The following RNF180 variants were observed in gnomAD, a reference collection of about 807,000 sequenced individuals.
The protein encoded by RNF180 is ring finger protein 180.
A neutral mutation model predicts 59.2 loss-of-function variants in RNF180; 38 were observed. That is an observed-to-expected ratio of 0.64 (90% confidence interval 0.50 to 0.84). The LOEUF is 0.84. Ranked by LOEUF, RNF180 falls within the 40% of genes least tolerant of loss-of-function variation. RNF180 has a pLI of 0.00. For synonymous variants in RNF180, 262 were observed against 240.3 expected (o/e 1.09, Z -0.84); for missense variants, 705 against 700.9 (o/e 1.01, Z -0.07).
At chr5:64,349,247 A>G (rs1745681431) in intron 7 of RNF180, among the ~76,000 whole-genome samples, 1 of 152,272 alleles carries the variant, frequency 6.6e-6, no homozygotes, top group Admixed American at 6.6e-5. Context: ...ACAAATAGAC[A>G]TAAACATTAA....
chr5:64,365,914 GT>G (rs1746430904), intron 7 of RNF180, among the ~76,000 whole-genome samples: 1 of 151,384 alleles, frequency 6.6e-6, no homozygotes, highest in South Asian at 2.1e-4. Flanking sequence ...TTGGATCTTG[GT>G]TCTTTATACA....
chr5:64,244,981 G>C (rs1743062451), intron 5 of RNF180, among the ~76,000 whole-genome samples: 1 of 152,166 alleles, frequency 6.6e-6, no homozygotes, highest in Non-Finnish European at 1.5e-5. Flanking sequence ...TTCATATTCA[G>C]CCAAACTAAG....
At chr5:64,296,879 A>G (rs548104268) in intron 5 of RNF180, among the ~76,000 whole-genome samples, 2 of 152,072 alleles carry the variant, frequency 1.3e-5, no homozygotes, top group African/African-American at 4.8e-5. Flanking sequence ...TTGATTTTGT[A>G]TGGGAAAGGC....
chr5:64,306,178 C>T (rs917632922), intron 5 of RNF180, among the ~76,000 whole-genome samples: 2 of 151,692 alleles, frequency 1.3e-5, no homozygotes, highest in Non-Finnish European at 3.0e-5. Flanking sequence ...TTTCTTGAAA[C>T]CCAATTGCAT....
chr5:64,211,634 T>C (rs1752317673), intron 2 of RNF180, among the ~76,000 whole-genome samples: 1 of 152,152 alleles, frequency 6.6e-6, no homozygotes, highest in South Asian at 2.1e-4. Context: ...CCTCCATCTT[T>C]CTGCACATCC....
At position 64,330,373 on chromosome 5, in the gene RNF180, C is replaced by T; in HGVS notation, c.1546C>T (p.Pro516Ser). The change falls in exon 7 of 8, where the codon CCA becomes TCA. Residue 516 changes from proline to serine, a missense_variant. Transcript: ENST00000389100. ...ATCCAACTCTGCAAAATGGCCCCTA[C>T]CAAGCTGCAGAAAAGCATTTCATCT... ...QKSNSAKWPL[P>S]SCRKAFHLFG... 2.6e-6 allele frequency: 4 copies of T among 1,542,220 alleles called. No homozygotes were observed. The highest frequency in any genetic ancestry group is 3.5e-6 in the Non-Finnish European group (4 of 1,144,936).
intron 5 of RNF180, among the ~76,000 whole-genome samples, chr5:64,272,897 C>G (rs1741499374): frequency 6.6e-6 from 1 of 151,722 alleles, no homozygotes; most frequent in African/African-American, 2.4e-5. Flanking sequence ...AATTGAGGTG[C>G]CTTTAAGACA....
chr5:64,289,337 T>C (rs1742453890), intron 5 of RNF180, among the ~76,000 whole-genome samples: 1 of 152,208 alleles, frequency 6.6e-6, no homozygotes, highest in Admixed American at 6.5e-5. Flanking sequence ...ATCAGAGATA[T>C]TGGCCTGAAG....
chr5:64,356,827 A>G (rs1303851057), intron 7 of RNF180, among the ~76,000 whole-genome samples: 2 of 151,882 alleles, frequency 1.3e-5, no homozygotes, highest in Non-Finnish European at 2.9e-5. Flanking sequence ...GGCTGGGGAA[A>G]GGGACTCATG....
At chr5:64,241,051 T>C (rs1742779017) in intron 5 of RNF180, among the ~76,000 whole-genome samples, 1 of 152,240 alleles carries the variant, frequency 6.6e-6, no homozygotes, top group Non-Finnish European at 1.5e-5. Flanking sequence ...TTTTATTAAG[T>C]ATATATAAAT....
chr5:64,322,794 G>A (rs1313695552), intron 5 of RNF180, among the ~76,000 whole-genome samples: 1 of 152,074 alleles, frequency 6.6e-6, no homozygotes, highest in Non-Finnish European at 1.5e-5. Context: ...TAAGCTATGA[G>A]GATGCAAAGC....
At chr5:64,342,506 G>T (rs1055897929) in intron 7 of RNF180, among the ~76,000 whole-genome samples, 1 of 152,106 alleles carries the variant, frequency 6.6e-6, no homozygotes, top group Admixed American at 6.5e-5. Flanking sequence ...AGTAAAAAAG[G>T]CTTAAAAAGT....
At position 64,200,916 on chromosome 5, in the gene RNF180, G is replaced by A. The variant is rs369331348; in HGVS notation, c.109G>A (p.Glu37Lys). The A allele has an allele frequency of 4.2e-5, 67 of 1,613,746 alleles. No individual in the cohort carries two copies. In the Middle Eastern group the frequency reaches 1.2e-3, roughly 28 times the overall value. Reference protein sequence around the residue: ...KCIASSGCFMEYLENQVIKDK... With the variant: ...KCIASSGCFMKYLENQVIKDK... ...TATAGCAAGCTCTGGTTGTTTTATGGAGTATCTTGAGAATCAAGTGATTAA... is the reference window on the plus strand; with the variant it reads ...TATAGCAAGCTCTGGTTGTTTTATGAAGTATCTTGAGAATCAAGTGATTAA... The change falls in exon 2 of 8, where the codon GAG becomes AAG. Residue 37 changes from glutamate (E) to lysine (K), a missense_variant. Physicochemically the swap from Glu to Lys is moderately conservative, Grantham distance 56. Coordinates refer to ENST00000389100, the MANE Select transcript of RNF180 (RefSeq NM_001113561.2).
rs561015162 is a variant in RNF180 at position 64,264,401 on chromosome 5, C to T, written c.1227+47005C>T. Among the ~76,000 whole-genome samples, 7 of 152,086 alleles carry T rather than the reference C, an allele frequency of 4.6e-5. No individual in the cohort carries two copies. In the South Asian group the frequency reaches 1.5e-3, roughly 32 times the overall value. On this transcript the variant is annotated intron_variant, in intron 5 of 7. Coordinates refer to ENST00000389100, the MANE Select transcript of RNF180 (RefSeq NM_001113561.2). ...CCCCTTGCCTCCCACCCCCGACAGG[C>T]CCCAGTGTGTGGTATTCCCCTCCCG...
intron 5 of RNF180, among the ~76,000 whole-genome samples, chr5:64,299,216 C>G (rs1477678975): frequency 6.6e-6 from 1 of 151,902 alleles, no homozygotes; most frequent in African/African-American, 2.4e-5. Flanking sequence ...TTCCCAGGAT[C>G]CAGAACTTTG....
chr5:64,352,917 G>A (rs1745873082), intron 7 of RNF180, among the ~76,000 whole-genome samples: 1 of 151,830 alleles, frequency 6.6e-6, no homozygotes, highest in South Asian at 2.1e-4. Flanking sequence ...CAAAGCTACG[G>A]CCTTCTTTTT....
chr5:64,214,225 A>T lies in RNF180; in HGVS notation c.899A>T (p.His300Leu). The T allele has an allele frequency of 6.2e-7, 1 of 1,614,070 alleles. No individual in the cohort carries two copies. Among genetic ancestry groups the T allele is most frequent in the Non-Finnish European group, 8.5e-7 (1 of 1,179,998 alleles). Residue 300 changes from histidine (H) to leucine (L), a missense_variant, in exon 4 of 8, where the codon CAT becomes CTT. Coordinates refer to ENST00000389100, the MANE Select transcript of RNF180 (RefSeq NM_001113561.2). ...MLLQRFSVAP[H>L]ETQTQRGGEF... Reference sequence around the variant, plus strand: ...CTGCAAAGATTTTCAGTGGCCCCCCATGAGACCCAGACACAAAGAGGAGGA... The same window carrying T: ...CTGCAAAGATTTTCAGTGGCCCCCCTTGAGACCCAGACACAAAGAGGAGGA...
chr5:64,222,565 C>G (rs1048676895), intron 5 of RNF180, among the ~76,000 whole-genome samples: 1 of 152,176 alleles, frequency 6.6e-6, no homozygotes, highest in Admixed American at 6.5e-5. Flanking sequence ...AAATGCTGTG[C>G]ACCAGGAAGG....
intron 5 of RNF180, among the ~76,000 whole-genome samples, chr5:64,245,372 C>A (rs1251618589): frequency 6.6e-6 from 1 of 152,050 alleles, no homozygotes; most frequent in East Asian, 1.9e-4. Context: ...TTCAGGAGAC[C>A]AATCTCACAT....
Sources: allele counts gnomAD v4.1 joint callset (sites outside exome capture counted in the v4.1 genomes callset), GRCh38; gene constraint gnomAD v4.1.1; transcripts MANE v1.5; gene names NCBI Gene and HGNC (gene_info 2026-07-23, HGNC 2026-07-21).